Variants in MROH9 observed in about 807,000 individuals in gnomAD.
The protein encoded by MROH9 is maestro heat like repeat family member 9, also known as maestro heat-like repeat-containing protein family member 9.
In MROH9, 92 loss-of-function variants were observed where a neutral mutation model predicts 98.2. The observed-to-expected ratio is 0.94, with a 90% confidence interval of 0.79 to 1.11. The LOEUF is 1.11. Ranked by LOEUF, MROH9 falls within the 50% of genes most tolerant of loss-of-function variation. The probability of loss-of-function intolerance (pLI) is 0.00; values close to 1 mark genes in which losing one functional copy is unlikely to be tolerated. For synonymous variants in MROH9, 397 were observed against 368.9 expected (o/e 1.08, Z -0.87); for missense variants, 1,057 against 1,014.8 (o/e 1.04, Z -0.57).
chr1:170,937,602 A>G (rs555669086), intron 1 of MROH9, among the ~76,000 whole-genome samples: 2,327 of 145,898 alleles, frequency 0.016, 33 homozygotes, highest in South Asian at 0.04. Context: ...GCTCACTGCA[A>G]GCTCCGCCTC....
chr1:170,948,425 A>C (rs1011421468), intron 3 of MROH9, among the ~76,000 whole-genome samples: 3 of 152,064 alleles, frequency 2.0e-5, no homozygotes, highest in African/African-American at 2.4e-5. Flanking sequence ...AGAGTTGTTA[A>C]TAAAACCATA....
chr1:171,001,309 T>C (rs1651774799), intron 15 of MROH9, among the ~76,000 whole-genome samples: 1 of 152,116 alleles, frequency 6.6e-6, no homozygotes, highest in African/African-American at 2.4e-5. Context: ...TTGTTCTTGT[T>C]TCTCTAGTTC....
chr1:170,956,595 G>GTTTTTTTTTTTTTTTTTTT (rs5778690), intron 3 of MROH9, among the ~76,000 whole-genome samples: 1 of 104,604 alleles, frequency 9.6e-6, no homozygotes, highest in African/African-American at 3.8e-5. Flanking sequence ...TTTTTTTTTT[G>GTTTTTTTTTTTTTTTTTTT]TTTTTTTTTT....
At chr1:171,024,810 A>C in intron 19 of MROH9, 45 bp downstream of exon 19, 1 of 1,139,604 alleles carries the variant, frequency 8.8e-7, no homozygotes, top group Non-Finnish European at 1.3e-6. Flanking sequence ...TTGTAGACAA[A>C]ACTTACAGGA....
chr1:171,054,065 T>A (rs1307860388), intron 20 of MROH9, among the ~76,000 whole-genome samples: 1 of 152,118 alleles, frequency 6.6e-6, no homozygotes, highest in Non-Finnish European at 1.5e-5. Context: ...TTTTAAACAT[T>A]CCAAAAATTC....
At chr1:171,059,758 C>T (rs571566797) in intron 20 of MROH9, among the ~76,000 whole-genome samples, 1 of 152,182 alleles carries the variant, frequency 6.6e-6, no homozygotes, top group South Asian at 2.1e-4. Flanking sequence ...AAGCCATCAT[C>T]CTCAGCAAAC....
chr1:171,026,075 C>T (rs1321999663), intron 20 of MROH9, among the ~76,000 whole-genome samples: 1 of 152,142 alleles, frequency 6.6e-6, no homozygotes, highest in Non-Finnish European at 1.5e-5. Context: ...TGAGGAAATA[C>T]ATGGTCACAT....
At chr1:171,004,323 A>C (rs2101822488) in intron 15 of MROH9, among the ~76,000 whole-genome samples, 1 of 152,176 alleles carries the variant, frequency 6.6e-6, no homozygotes, top group African/African-American at 2.4e-5. Context: ...TTCTCCCTGC[A>C]TAGTTTTACT....
intron 3 of MROH9, among the ~76,000 whole-genome samples, chr1:170,950,642 T>C (rs1478304416): frequency 6.6e-6 from 1 of 152,146 alleles, no homozygotes. Flanking sequence ...ACGTTCACTG[T>C]TTACGCTTTT....
intron 16 of MROH9, among the ~76,000 whole-genome samples, chr1:171,015,425 G>A (rs1275952305): frequency 6.6e-6 from 1 of 152,166 alleles, no homozygotes; most frequent in Non-Finnish European, 1.5e-5. Context: ...TGTTGGTAAA[G>A]ACACAAATGG....
At chr1:170,978,032 T>C (rs930341217) in intron 8 of MROH9, among the ~76,000 whole-genome samples, 1 of 152,152 alleles carries the variant, frequency 6.6e-6, no homozygotes, top group Non-Finnish European at 1.5e-5. Context: ...GCTCCTTCTT[T>C]AGTCTGAGGG....
intron 20 of MROH9, among the ~76,000 whole-genome samples, chr1:171,041,408 T>TACAC (rs137951871): frequency 0.4 from 40,849 of 102,380 alleles, 8,658 homozygotes; most frequent in South Asian, 0.49. Context: ...TCAAGATACA[T>TACAC]ACACACACAC....
chr1:171,062,156 A>G lies in MROH9; in HGVS notation c.2306A>G (p.His769Arg). 6.5e-7 allele frequency: 1 copy of G among 1,550,294 alleles called. No homozygotes were observed. Among genetic ancestry groups the G allele is most frequent in the Non-Finnish European group, 8.7e-7 (1 of 1,145,820 alleles). Residue 769 changes from histidine (H) to arginine (R), a missense_variant, in exon 21 of 22, where the codon CAT (histidine) becomes CGT (arginine). By Grantham distance (29) the His-to-Arg change is conservative (BLOSUM62 0). Coordinates refer to ENST00000367759, the MANE Select transcript of MROH9 (RefSeq NM_001163629.2). The part of the protein sequence containing the change: ...LIGYLAKSGG[H>R]LLLRDEIEVM... ...GGATATTTGGCAAAATCAGGTGGTC[A>G]TTTACTGCTTAGAGATGAAATCGAA...
At chr1:171,009,463 A>G (rs1336771572) in intron 15 of MROH9, among the ~76,000 whole-genome samples, 1 of 152,228 alleles carries the variant, frequency 6.6e-6, no homozygotes, top group Admixed American at 6.5e-5. Context: ...TAAGGTATGT[A>G]TTATTTATCA....
chr1:170,996,711 A>C (rs1651589811), intron 14 of MROH9, 67 bp downstream of exon 14: 1 of 1,509,936 alleles, frequency 6.6e-7, no homozygotes, highest in Non-Finnish European at 9.0e-7. Context: ...TCCTTCAATA[A>C]GCCATGCGGG....
chr1:171,064,055 TAAGA>T, intron 21 of MROH9, 40 bp from the exon 22 acceptor site: 11 of 1,504,024 alleles, frequency 7.3e-6, no homozygotes, highest in Non-Finnish European at 9.7e-6. Context: ...TCATGGCCTC[TAAGA>T]AAGAGATAAC....
intron 15 of MROH9, among the ~76,000 whole-genome samples, chr1:171,005,653 G>T (rs987860786): frequency 6.6e-6 from 1 of 151,772 alleles, no homozygotes; most frequent in Non-Finnish European, 1.5e-5. Context: ...AATTTATTAC[G>T]CCCAACAGGC....
At chr1:171,035,802 CTG>C (rs1334043417) in intron 20 of MROH9, among the ~76,000 whole-genome samples, 1 of 152,176 alleles carries the variant, frequency 6.6e-6, no homozygotes, top group African/African-American at 2.4e-5. Context: ...AAACAGAACT[CTG>C]TTATATGCTG....
At chr1:170,988,448 GA>G (rs35739917) in intron 10 of MROH9, among the ~76,000 whole-genome samples, 11 of 152,184 alleles carry the variant, frequency 7.2e-5, no homozygotes, top group Non-Finnish European at 1.6e-4. Context: ...AGTGAAGTGG[GA>G]AAGAGCACTC....
Sources: gnomAD v4.1 joint callset for allele counts (sites outside exome capture counted in the v4.1 genomes callset) on GRCh38, gnomAD v4.1.1 for gene constraint, MANE v1.5 for transcripts, NCBI Gene and HGNC (gene_info 2026-07-23, HGNC 2026-07-21) for gene names.